RANBP2: variants seen among roughly 807,000 people sequenced by gnomAD.
RANBP2 encodes the protein RAN binding protein 2.
In RANBP2, 57 loss-of-function variants were observed where a neutral mutation model predicts 303.6. The observed-to-expected ratio is 0.19, with a 90% CI of 0.15 to 0.23. RANBP2 has a LOEUF of 0.23. Ranked by LOEUF, RANBP2 falls within the 10% of genes least tolerant of loss-of-function variation. The pLI, the probability that RANBP2 is intolerant of heterozygous loss-of-function variation, is 1.00. For missense variants in RANBP2, 3,138 were observed against 3,780.8 expected, an observed-to-expected ratio of 0.83 and a Z score of 4.46; for synonymous variants, 1,167 against 1,301.5, an observed-to-expected ratio of 0.90 and a Z score of 2.23.
chr2:109,268,339 G>A, the RANBP2 span, among the ~76,000 whole-genome samples: 2 of 151,872 alleles, frequency 1.3e-5, no homozygotes, highest in African/African-American at 4.8e-5. Flanking sequence ...ACAAGGACTG[G>A]ACACAGAGTC....
chr2:109,170,930 G>A, the RANBP2 span, among the ~76,000 whole-genome samples: 1 of 152,318 alleles, frequency 6.6e-6, no homozygotes, highest in Middle Eastern at 3.4e-3. Context: ...GCTGTTGCCT[G>A]CAGGTAGCCC....
the RANBP2 span, among the ~76,000 whole-genome samples, chr2:109,587,433 A>T: frequency 2.6e-4 from 40 of 152,216 alleles, no homozygotes; most frequent in East Asian, 7.7e-3. Flanking sequence ...AAGTTAGAGA[A>T]AGAGAGAAGG....
the RANBP2 span, among the ~76,000 whole-genome samples, chr2:109,610,710 C>T: frequency 1.6e-4 from 24 of 151,246 alleles, no homozygotes; most frequent in Non-Finnish European, 2.5e-4. Context: ...AGCGACATTC[C>T]GTCTTCAAAA....
In RANBP2 at chr2:108,767,623, A is replaced by G. The variant is rs1238217719; in HGVS notation, c.7084A>G (p.Asn2362Asp). The change falls in exon 20 of 29, where the codon AAT (asparagine) becomes GAT (aspartate). Residue 2362 changes from asparagine (N) to aspartate (D), a missense_variant. By Grantham distance (23) the Asn-to-Asp change is conservative (BLOSUM62 1). This residue lies in a region of RANBP2 where 92 missense variants were observed against 211.0 expected (regional missense o/e 0.44). Transcript: ENST00000283195. ...RGIGDIKILQNYDNKQVRIVM... is the reference protein window; with the variant it reads ...RGIGDIKILQDYDNKQVRIVM... ...CATTGGTGATATAAAGATTTTACAG[A>G]ATTATGATAATAAGCAAGTTCGTAT... 6.2e-7 allele frequency: 1 copy of G among 1,611,980 alleles called. No individual in the cohort carries two copies. The highest frequency in any genetic ancestry group is 1.1e-5 in the South Asian group (1 of 90,986).
At chr2:108,742,402 C>T (rs574679948) in intron 7 of RANBP2, among the ~76,000 whole-genome samples, 2 of 152,128 alleles carry the variant, frequency 1.3e-5, no homozygotes, top group African/African-American at 4.8e-5. Flanking sequence ...CTCCTGGGTT[C>T]AAGTGATTCT....
the RANBP2 span, among the ~76,000 whole-genome samples, chr2:109,101,356 T>C: frequency 6.6e-6 from 1 of 151,886 alleles, no homozygotes; most frequent in African/African-American, 2.4e-5. Context: ...GAAACCCCCG[T>C]CTCTACTGAA....
At chr2:109,466,072 C>CTTTTTTTTTTTTTT in the RANBP2 span, among the ~76,000 whole-genome samples, 3 of 82,334 alleles carry the variant, frequency 3.6e-5, no homozygotes, top group Non-Finnish European at 4.5e-5. Context: ...ACCTGTACAT[C>CTTTTTTTTTTTTTT]TTTTTTTTTT....
At chr2:108,870,203 T>C in the RANBP2 span, among the ~76,000 whole-genome samples, 1 of 152,050 alleles carries the variant, frequency 6.6e-6, no homozygotes, top group South Asian at 2.1e-4. Flanking sequence ...AACTGGAAAA[T>C]ACAGTAGCTG....
chr2:109,461,138 C>T, the RANBP2 span, among the ~76,000 whole-genome samples: 1 of 152,248 alleles, frequency 6.6e-6, no homozygotes, highest in Admixed American at 6.5e-5. Context: ...GGGACCTGCT[C>T]TAACCCGATC....
chr2:109,719,761 A>G, the RANBP2 span, among the ~76,000 whole-genome samples: 1 of 152,206 alleles, frequency 6.6e-6, no homozygotes, highest in Non-Finnish European at 1.5e-5. Context: ...GGGAGAGTCC[A>G]TAGATACCTT....
the RANBP2 span, among the ~76,000 whole-genome samples, chr2:109,365,560 C>T: frequency 2.6e-5 from 4 of 152,052 alleles, no homozygotes; most frequent in African/African-American, 7.2e-5. Context: ...CAGCTTCTTA[C>T]GTTCTAGACT....
chr2:109,137,576 A>G, the RANBP2 span, among the ~76,000 whole-genome samples: 1 of 152,210 alleles, frequency 6.6e-6, no homozygotes, highest in African/African-American at 2.4e-5. Context: ...ACCTTAGGTG[A>G]GAATTATTTG....
chr2:108,908,061 G>T, the RANBP2 span: 15,804 of 1,567,432 alleles, frequency 0.01, 102 homozygotes, highest in Middle Eastern at 0.019. Flanking sequence ...TGCCTGGGGG[G>T]GCTGCAGCCC....
At chr2:109,478,295 C>G in the RANBP2 span, among the ~76,000 whole-genome samples, 2 of 152,222 alleles carry the variant, frequency 1.3e-5, no homozygotes, top group African/African-American at 2.4e-5. Flanking sequence ...TACATTCAAA[C>G]TTGCACTGTT....
At chr2:108,762,762 C>G (rs144091138) in intron 19 of RANBP2, among the ~76,000 whole-genome samples, 3,369 of 151,188 alleles carry the variant, frequency 0.022, 120 homozygotes, top group African/African-American at 0.079. Context: ...AGAACAGTGC[C>G]CAGCTGGCAC....
At chr2:109,052,881 A>G in the RANBP2 span, among the ~76,000 whole-genome samples, 1 of 152,208 alleles carries the variant, frequency 6.6e-6, no homozygotes, top group Non-Finnish European at 1.5e-5. Flanking sequence ...AGCTATTACT[A>G]GAGGAAACTC....
At chr2:108,868,736 T>G in the RANBP2 span, among the ~76,000 whole-genome samples, 3 of 152,178 alleles carry the variant, frequency 2.0e-5, no homozygotes, top group African/African-American at 7.2e-5. Flanking sequence ...TGCTTTGTTA[T>G]GTAGAGCCTT....
chr2:109,513,531 CATT>C, the RANBP2 span, among the ~76,000 whole-genome samples: 158 of 108,712 alleles, frequency 1.5e-3, no homozygotes, highest in African/African-American at 4.7e-3. Flanking sequence ...CACATGCACA[CATT>C]ATATGCACAT....
At chr2:109,615,553 A>T in the RANBP2 span, 3 of 1,613,946 alleles carry the variant, frequency 1.9e-6, no homozygotes, top group Non-Finnish European at 2.5e-6. Context: ...GGCCACGTGG[A>T]GGTGGTGAAG....
Sources: gnomAD v4.1 joint callset for allele counts (sites outside exome capture counted in the v4.1 genomes callset) on GRCh38, gnomAD v4.1.1 for gene constraint, gnomAD v4.1.1 regional missense constraint, MANE v1.5 for transcripts, NCBI Gene and HGNC (gene_info 2026-07-23, HGNC 2026-07-21) for gene names.